Variants in RAB27A observed in about 807,000 individuals in gnomAD.
The protein encoded by RAB27A is RAB27A, member RAS oncogene family.
In RAB27A, 17 loss-of-function variants were observed where a neutral mutation model predicts 20.8. The observed-to-expected ratio is 0.82, with a 90% CI of 0.56 to 1.23. The LOEUF (loss-of-function observed/expected upper bound fraction) is 1.23. RAB27A is among the 50% of genes most tolerant of loss of function. RAB27A has a pLI of 0.00. For synonymous variants in RAB27A, 85 were observed against 92.8 expected (o/e 0.92, Z 0.48); for missense variants, 277 against 266.7 (o/e 1.04, Z -0.27).
rs1189966751 is a variant in RAB27A at position 55,299,826 on chromosome 15, CT to C, written c.-112+14212del. 4.0e-3 allele frequency among the ~76,000 whole-genome samples: 567 copies of C among 142,300 alleles called. 3 individuals carry two copies. Among genetic ancestry groups the C allele is most frequent in the African/African-American group, 0.011 (438 of 39,128 alleles). 93.4% of individuals were successfully genotyped at this position (142,300 alleles called of 152,430 possible). A position where few individuals can be genotyped will look rare whatever the true frequency, so the allele number is the denominator to read the frequency against. ...TAGCAATCCTAATTTCTTTTTTTTTCTTTTTTTTTTTTGAGATGGAGTCTCA... is the reference window on the plus strand; with the variant it reads ...TAGCAATCCTAATTTCTTTTTTTTTCTTTTTTTTTTTGAGATGGAGTCTCA... On this transcript the variant is annotated intron_variant, in intron 2 of 5. Coordinates refer to the RAB27A transcript ENST00000563262.
At chr15:55,261,823 AG>A (rs1897279480) in intron 2 of RAB27A, among the ~76,000 whole-genome samples, 1 of 150,386 alleles carries the variant, frequency 6.6e-6, no homozygotes, top group African/African-American at 2.4e-5. Flanking sequence ...GTGGATCATG[AG>A]GTCAGGAGTT....
chr15:55,292,872 A>G (rs1418290919), upstream of RAB27A, among the ~76,000 whole-genome samples: 2 of 152,358 alleles, frequency 1.3e-5, no homozygotes, highest in Non-Finnish European at 2.9e-5. Context: ...TAGGCTTGTT[A>G]CAGAACCCAG....
chr15:55,249,772 T>C (rs1896819689), intron 2 of RAB27A, among the ~76,000 whole-genome samples: 1 of 152,198 alleles, frequency 6.6e-6, no homozygotes, highest in Non-Finnish European at 1.5e-5. Flanking sequence ...ATCATATTCA[T>C]TTTTAGAAAA....
At chr15:55,311,159 G>C (rs569629112) in intron 2 of RAB27A, among the ~76,000 whole-genome samples, 87 of 152,286 alleles carry the variant, frequency 5.7e-4, no homozygotes, top group African/African-American at 2.0e-3. Flanking sequence ...AAACTCTCAG[G>C]CTGCAGTTAT....
chr15:55,253,315 C>T (rs574320622), intron 2 of RAB27A, among the ~76,000 whole-genome samples: 2 of 151,710 alleles, frequency 1.3e-5, no homozygotes, highest in South Asian at 4.2e-4. Flanking sequence ...GGCACGGTGG[C>T]GGGTGCCTAT....
intron 2 of RAB27A, among the ~76,000 whole-genome samples, chr15:55,309,748 G>A (rs577698288): frequency 2.7e-4 from 41 of 151,904 alleles, no homozygotes; most frequent in African/African-American, 9.9e-4. Context: ...GGTGTAGATG[G>A]ACAATGGCCT....
intron 2 of RAB27A, among the ~76,000 whole-genome samples, chr15:55,268,967 A>G (rs1897609047): frequency 6.6e-6 from 1 of 152,160 alleles, no homozygotes; most frequent in African/African-American, 2.4e-5. Context: ...CAAGAAAGGA[A>G]CTGGGATCAC....
At chr15:55,268,625 A>C (rs1189563903) in intron 2 of RAB27A, among the ~76,000 whole-genome samples, 1 of 152,210 alleles carries the variant, frequency 6.6e-6, no homozygotes, top group Non-Finnish European at 1.5e-5. Context: ...TCACAAAGCT[A>C]GATCCCTATA....
chr15:55,243,908 C>T (rs1265864094), intron 2 of RAB27A, among the ~76,000 whole-genome samples: 2 of 152,148 alleles, frequency 1.3e-5, no homozygotes, highest in Non-Finnish European at 2.9e-5. Context: ...ACATTTTAAG[C>T]TTCTCTCATA....
chr15:55,267,562 G>T (rs780775422), intron 2 of RAB27A, among the ~76,000 whole-genome samples: 7 of 152,156 alleles, frequency 4.6e-5, no homozygotes, highest in Non-Finnish European at 1.0e-4. Flanking sequence ...CATAGACAGC[G>T]CAAATAAATA....
chr15:55,288,677 C>A (rs995812408), intron 1 of RAB27A, among the ~76,000 whole-genome samples: 1 of 151,898 alleles, frequency 6.6e-6, no homozygotes, highest in Non-Finnish European at 1.5e-5. Context: ...AAACATAAAA[C>A]AACATAAACC....
chr15:55,308,966 C>T (rs966266365), intron 2 of RAB27A, among the ~76,000 whole-genome samples: 4 of 152,176 alleles, frequency 2.6e-5, no homozygotes, highest in Non-Finnish European at 5.9e-5. Flanking sequence ...GCTCGTCCCT[C>T]GGACCTGTGT....
intron 2 of RAB27A, among the ~76,000 whole-genome samples, chr15:55,311,426 T>C (rs540936393): frequency 6.6e-6 from 1 of 152,248 alleles, no homozygotes; most frequent in East Asian, 1.9e-4. Context: ...TGTGGTTCAT[T>C]GTTTACCCCT....
exon 2 of RAB27A, chr15:55,314,126 T>C (rs898070526): frequency 6.8e-5 from 10 of 147,280 alleles, no homozygotes; most frequent in African/African-American, 2.0e-4. Context: ...ATCACGCCAT[T>C]GCACTCCAGC....
chr15:55,252,715 T>C (rs1442615884), intron 2 of RAB27A, among the ~76,000 whole-genome samples: 3 of 152,112 alleles, frequency 2.0e-5, no homozygotes, highest in Non-Finnish European at 4.4e-5. Flanking sequence ...TATCTATCTA[T>C]CTATATACAA....
chr15:55,271,847 C>A (rs879638983), intron 1 of RAB27A, among the ~76,000 whole-genome samples: 28 of 152,162 alleles, frequency 1.8e-4, no homozygotes, highest in Non-Finnish European at 3.5e-4. Context: ...TCTAAAAAAA[C>A]CACCACCGGC....
intron 5 of RAB27A, among the ~76,000 whole-genome samples, chr15:55,226,680 G>T (rs2140966893): frequency 6.6e-6 from 1 of 151,916 alleles, no homozygotes; most frequent in South Asian, 2.1e-4. Flanking sequence ...TGAAACCCCG[G>T]GAGATGGGTG....
At chr15:55,274,824 A>ATATATATATATATATATG (rs1897815726) in intron 1 of RAB27A, among the ~76,000 whole-genome samples, 1 of 136,370 alleles carries the variant, frequency 7.3e-6, no homozygotes, top group African/African-American at 2.6e-5. Flanking sequence ...ATATATATAT[A>ATATATATATATATATATG]TGTATAGAGA....
chr15:55,301,575 T>C (rs1595755150), intron 2 of RAB27A, among the ~76,000 whole-genome samples: 2 of 151,988 alleles, frequency 1.3e-5, no homozygotes, highest in Non-Finnish European at 2.9e-5. Flanking sequence ...TGGTGGTTTT[T>C]AATATATTCA....
Sources: allele counts gnomAD v4.1 joint callset (sites outside exome capture counted in the v4.1 genomes callset), GRCh38; gene constraint gnomAD v4.1.1; transcripts MANE v1.5; gene names NCBI Gene and HGNC (gene_info 2026-07-23, HGNC 2026-07-21).